Variants in EFCAB3 observed in about 807,000 individuals in gnomAD.
EFCAB3 encodes the protein EF-hand calcium binding domain 3.
In EFCAB3, 36 loss-of-function variants were observed where a neutral mutation model predicts 42.2. The observed-to-expected ratio is 0.85, with a 90% CI of 0.65 to 1.13. EFCAB3 has a LOEUF of 1.13. Among genes scored for constraint, EFCAB3 ranks in the 50% most tolerant of loss-of-function variants. The probability of loss-of-function intolerance (pLI) is 0.00; values close to 1 mark genes in which losing one functional copy is unlikely to be tolerated. For synonymous variants in EFCAB3, 170 were observed against 172.8 expected, an observed-to-expected ratio of 0.98 and a Z score of 0.13; for missense variants, 418 against 505.1, an observed-to-expected ratio of 0.83 and a Z score of 1.65.
At chr17:62,394,955 C>T (rs967570927) in intron 5 of EFCAB3, 113 bp from the exon 6 acceptor site, 32 of 1,370,708 alleles carry the variant, frequency 2.3e-5, no homozygotes, top group African/African-American at 2.9e-5. Context: ...TAATGTTTTA[C>T]TGTACCTCTA....
intron 9 of EFCAB3, among the ~76,000 whole-genome samples, chr17:62,415,526 C>A (rs2070539144): frequency 6.6e-6 from 1 of 152,224 alleles, no homozygotes; most frequent in Admixed American, 6.5e-5. Context: ...GTGCCTGAAC[C>A]CTCCTGCCAC....
chr17:62,387,538 A>G (rs1598009505), intron 3 of EFCAB3, 122 bp downstream of exon 3: 1 of 741,998 alleles, frequency 1.3e-6, no homozygotes, highest in East Asian at 3.2e-5. Context: ...GAGAGAAAGG[A>G]AAAAAAACCT....
upstream of EFCAB3, chr17:62,377,914 C>A: frequency 7.0e-7 from 1 of 1,434,662 alleles, no homozygotes; most frequent in East Asian, 2.5e-5. Context: ...TCCTAGTCTA[C>A]TTTCCATAAC....
intron 6 of EFCAB3, among the ~76,000 whole-genome samples, chr17:62,400,982 A>C (rs894825387): frequency 2.6e-5 from 4 of 152,156 alleles, no homozygotes; most frequent in African/African-American, 9.7e-5. Flanking sequence ...TTGCCATTCT[A>C]ACTGGTGTGA....
At chr17:62,396,699 C>T (rs1379616941) in intron 6 of EFCAB3, among the ~76,000 whole-genome samples, 2 of 151,996 alleles carry the variant, frequency 1.3e-5, no homozygotes, top group Non-Finnish European at 2.9e-5. Flanking sequence ...TCCATACCAG[C>T]TGGGCAATAT....
chr17:62,414,131 CA>C (rs1225973024), intron 9 of EFCAB3, among the ~76,000 whole-genome samples: 1 of 152,194 alleles, frequency 6.6e-6, no homozygotes, highest in Non-Finnish European at 1.5e-5. Context: ...CCAGAAATAT[CA>C]AACTAATTAA....
chr17:62,378,770 GT>G (rs2070170534), upstream of EFCAB3, among the ~76,000 whole-genome samples: 1 of 141,294 alleles, frequency 7.1e-6, no homozygotes, highest in Non-Finnish European at 1.5e-5. Flanking sequence ...CTGTTGGGGG[GT>G]AGGGGGGTGG....
intron 1 of EFCAB3, among the ~76,000 whole-genome samples, chr17:62,381,203 G>A (rs1248095035): frequency 7.4e-6 from 1 of 134,906 alleles, no homozygotes; most frequent in Non-Finnish European, 1.5e-5. Context: ...CTGTGTCCGT[G>A]TGTTCTCATT....
chr17:62,404,567 C>T (rs534381738), intron 6 of EFCAB3, among the ~76,000 whole-genome samples: 1 of 152,036 alleles, frequency 6.6e-6, no homozygotes, highest in African/African-American at 2.4e-5. Context: ...GAGGCCGAGG[C>T]GGATGGATCA....
chr17:62,406,694 C>T, intron 7 of EFCAB3, 21 bp downstream of exon 7: 6 of 1,611,900 alleles, frequency 3.7e-6, no homozygotes, highest in Non-Finnish European at 5.1e-6. Flanking sequence ...TTTGTTCTCT[C>T]TCTACTGTTG....
At chr17:62,411,207 AT>A (rs2070492267) in intron 8 of EFCAB3, among the ~76,000 whole-genome samples, 1 of 152,184 alleles carries the variant, frequency 6.6e-6, no homozygotes, top group African/African-American at 2.4e-5. Context: ...AAAGGAAATA[AT>A]CTACTCTCAA....
chr17:62,402,904 G>T (rs897715517), intron 6 of EFCAB3, among the ~76,000 whole-genome samples: 5 of 152,150 alleles, frequency 3.3e-5, no homozygotes, highest in African/African-American at 1.2e-4. Flanking sequence ...ATTCGGCTGT[G>T]AATCCATCTG....
rs117374762 is a variant in EFCAB3 at position 62,405,803 on chromosome 17, C to T, written c.489-677C>T. The stretch of plus-strand genomic sequence containing the variant: ...CAGTAACACATCTTCTAAGTCTGTT[C>T]ATACACATACGCTCCAAAAAAAATG... On this transcript the variant is annotated intron_variant, in intron 6 of 9. Transcript: ENST00000305286. Among the ~76,000 whole-genome samples the T allele has an allele frequency of 3.8e-4, 58 of 152,280 alleles. No homozygotes were observed. In the East Asian group the frequency reaches 0.011, roughly 28 times the overall value.
chr17:62,405,948 T>C lies in EFCAB3; in HGVS notation c.489-532T>C, dbSNP rs545065639. On this transcript the variant is annotated intron_variant, in intron 6 of 9. Transcript: ENST00000305286. ...AATTCTCTGCAATGAGAATTTCTTT[T>C]AATTTAAAACAAAAGTTGCATTTTT... 2.6e-5 allele frequency among the ~76,000 whole-genome samples: 4 copies of C among 152,334 alleles called. No individual in the cohort carries two copies. The East Asian group carries it at 7.7e-4, about 29-fold the overall frequency.
At chr17:62,394,857 T>G (rs10853040) in intron 5 of EFCAB3, among the ~76,000 whole-genome samples, 102,850 of 152,084 alleles carry the variant, frequency 0.68, 42,524 homozygotes, top group Non-Finnish European at 0.92. Flanking sequence ...TCTTAGAAGT[T>G]ATTGAACTAC....
intron 6 of EFCAB3, among the ~76,000 whole-genome samples, chr17:62,401,574 G>GT (rs1173877520): frequency 6.6e-6 from 1 of 152,164 alleles, no homozygotes; most frequent in Admixed American, 6.5e-5. Flanking sequence ...GTTTTTGTCA[G>GT]TTTTGTCAAA....
chr17:62,415,944 G>T, intron 9 of EFCAB3, 59 bp from the exon 10 acceptor site: 1 of 1,358,230 alleles, frequency 7.4e-7, no homozygotes, highest in Non-Finnish European at 1.0e-6. Flanking sequence ...TATCATTGTG[G>T]TCCACAAATC....
intron 2 of EFCAB3, among the ~76,000 whole-genome samples, chr17:62,383,705 C>A (rs774773608): frequency 1.4e-4 from 21 of 151,976 alleles, no homozygotes; most frequent in Non-Finnish European, 2.9e-4. Flanking sequence ...TACAAAATAC[C>A]CTAGGGGGCT....
rs1229895968 is a variant in EFCAB3 at position 62,395,154 on chromosome 17, G to A, written c.454G>A (p.Ala152Thr). ...CCTATCAAGGCTTCTAGAGACTTCAGCCCTACCCAGAAAGTCTATAATAGA... is the reference window on the plus strand; with the variant it reads ...CCTATCAAGGCTTCTAGAGACTTCAACCCTACCCAGAAAGTCTATAATAGA... ...EILSRLLETS[A>T]LPRKSIIEIV... Residue 152 changes from alanine to threonine, a missense_variant, in exon 6 of 10, where the codon GCC becomes ACC. Ala to Thr is a moderately conservative substitution (Grantham distance 58). Transcript: ENST00000305286. 6.2e-7 allele frequency: 1 copy of A among 1,613,878 alleles called. No homozygotes were observed. The highest frequency in any genetic ancestry group is 1.7e-5 in the Admixed American group (1 of 59,966).
Sources: gnomAD v4.1 joint callset for allele counts (sites outside exome capture counted in the v4.1 genomes callset) on GRCh38, gnomAD v4.1.1 for gene constraint, MANE v1.5 for transcripts, NCBI Gene and HGNC (gene_info 2026-07-23, HGNC 2026-07-21) for gene names.